PTPRT: variants seen among roughly 807,000 people sequenced by gnomAD.
PTPRT encodes the protein protein tyrosine phosphatase receptor type T.
In PTPRT, 56 loss-of-function variants were observed where a neutral mutation model predicts 176.8. That is an observed-to-expected ratio of 0.32 (90% CI 0.26 to 0.40). PTPRT has a LOEUF of 0.40. PTPRT is among the 10% of genes least tolerant of loss of function. The pLI, the probability that PTPRT is intolerant of heterozygous loss-of-function variation, is 1.00. For missense variants in PTPRT, 1,540 were observed against 1,908.2 expected (o/e 0.81, Z 3.60); for synonymous variants, 783 against 739.0 (o/e 1.06, Z -0.96).
chr20:42,240,351 T>C (rs916070699), intron 14 of PTPRT, among the ~76,000 whole-genome samples: 6 of 152,026 alleles, frequency 3.9e-5, no homozygotes, highest in South Asian at 4.1e-4. Flanking sequence ...TTGAAGAAGA[T>C]TTACTGAAGG....
At chr20:42,891,309 G>C (rs1857585930) in intron 1 of PTPRT, among the ~76,000 whole-genome samples, 1 of 152,170 alleles carries the variant, frequency 6.6e-6, no homozygotes, top group African/African-American at 2.4e-5. Context: ...CACATAATTG[G>C]GGGAGGACAG....
intron 7 of PTPRT, among the ~76,000 whole-genome samples, chr20:42,655,706 T>C (rs1252719351): frequency 1.4e-5 from 2 of 146,882 alleles, no homozygotes; most frequent in African/African-American, 2.5e-5. Context: ...CTAAGGATGG[T>C]GAGGGGTGGA....
intron 7 of PTPRT, among the ~76,000 whole-genome samples, chr20:42,645,379 T>C (rs1471085281): frequency 3.3e-5 from 5 of 152,152 alleles, no homozygotes; most frequent in African/African-American, 9.7e-5. Flanking sequence ...CTAAGGTATA[T>C]GTGTGTCCAG....
rs544442546 is a variant in PTPRT, at chr20:43,049,341, A to G, written c.88+140305T>C. On this transcript the variant is annotated intron_variant, in intron 1 of 30. Coordinates refer to ENST00000373187, the MANE Select transcript of PTPRT (RefSeq NM_007050.6). ...GGCCATGTAAAACATACATACATACATACATACATACATGCATACATACGT... is the reference window on the plus strand; with the variant it reads ...GGCCATGTAAAACATACATACATACGTACATACATACATGCATACATACGT... Among the ~76,000 whole-genome samples the G allele has an allele frequency of 1.0e-3, 158 of 152,334 alleles. 1 individual carries two copies. Among genetic ancestry groups the G allele is most frequent in the African/African-American group, 3.7e-3 (154 of 41,578 alleles).
At chr20:42,381,017 G>A (rs977202394) in intron 9 of PTPRT, among the ~76,000 whole-genome samples, 1 of 152,014 alleles carries the variant, frequency 6.6e-6, no homozygotes, top group Non-Finnish European at 1.5e-5. Flanking sequence ...GTAAGGGAGG[G>A]AGGTGCTACA....
At chr20:42,476,624 T>C (rs1217483805) in intron 7 of PTPRT, among the ~76,000 whole-genome samples, 3 of 152,176 alleles carry the variant, frequency 2.0e-5, no homozygotes, top group African/African-American at 7.2e-5. Flanking sequence ...TTCAAGGAAA[T>C]CTCAGTTTGT....
At chr20:42,347,459 T>A (rs1465032540) in intron 11 of PTPRT, among the ~76,000 whole-genome samples, 1 of 151,978 alleles carries the variant, frequency 6.6e-6, no homozygotes, top group East Asian at 1.9e-4. Context: ...TACCTAGTGG[T>A]TTCATATCAT....
At chr20:42,082,078 C>T in intron 29 of PTPRT, 61 bp from the exon 30 acceptor site, 2 of 1,609,342 alleles carry the variant, frequency 1.2e-6, no homozygotes, top group Non-Finnish European at 1.7e-6. Context: ...CCTGATGATT[C>T]TAAAGCTACA....
chr20:42,366,461 A>C (rs1483645975), intron 9 of PTPRT, among the ~76,000 whole-genome samples: 1 of 152,184 alleles, frequency 6.6e-6, no homozygotes, highest in Non-Finnish European at 1.5e-5. Context: ...CCCACTGGCC[A>C]GTAGGGTCCA....
chr20:42,181,675 CA>C (rs1205275658), intron 16 of PTPRT, among the ~76,000 whole-genome samples: 4 of 152,136 alleles, frequency 2.6e-5, no homozygotes, highest in African/African-American at 9.7e-5. Flanking sequence ...TTAAAATTAG[CA>C]TAATGATTCA....
intron 4 of PTPRT, among the ~76,000 whole-genome samples, chr20:42,775,082 C>T (rs1002505791): frequency 6.6e-6 from 1 of 152,168 alleles, no homozygotes; most frequent in Non-Finnish European, 1.5e-5. Flanking sequence ...GGTCAGCCAT[C>T]GGCTCGTGGT....
At chr20:42,384,706 T>C (rs2058727950) in intron 9 of PTPRT, among the ~76,000 whole-genome samples, 2 of 152,194 alleles carry the variant, frequency 1.3e-5, no homozygotes, top group Non-Finnish European at 2.9e-5. Flanking sequence ...TAGCTCCATT[T>C]TACATCTCCA....
chr20:43,100,825 C>T (rs1234251441), intron 1 of PTPRT, among the ~76,000 whole-genome samples: 1 of 152,162 alleles, frequency 6.6e-6, no homozygotes, highest in Non-Finnish European at 1.5e-5. Context: ...ACCTAGGCTA[C>T]GTTATGAAGA....
chr20:42,715,933 T>A (rs989310029), intron 6 of PTPRT, among the ~76,000 whole-genome samples: 2 of 152,202 alleles, frequency 1.3e-5, no homozygotes, highest in East Asian at 3.8e-4. Context: ...CATGTGCAAA[T>A]CCAGAGATAT....
intron 4 of PTPRT, among the ~76,000 whole-genome samples, chr20:42,777,125 C>T (rs1401699466): frequency 1.3e-5 from 2 of 152,280 alleles, no homozygotes; most frequent in Non-Finnish European, 2.9e-5. Flanking sequence ...GGTCTCCCGA[C>T]ATCTTCTCTA....
chr20:43,128,461 TC>T (rs1311805041), intron 1 of PTPRT, among the ~76,000 whole-genome samples: 1 of 152,216 alleles, frequency 6.6e-6, no homozygotes, highest in Non-Finnish European at 1.5e-5. Context: ...CTCTTGACAG[TC>T]TTGGAGTTAC....
chr20:42,618,987 T>C (rs140222860), intron 7 of PTPRT, among the ~76,000 whole-genome samples: 10 of 151,946 alleles, frequency 6.6e-5, no homozygotes, highest in Admixed American at 5.2e-4. Context: ...GTCATTATGA[T>C]GTTAGCTGGT....
intron 7 of PTPRT, among the ~76,000 whole-genome samples, chr20:42,631,401 C>G (rs1407721391): frequency 6.6e-6 from 1 of 152,156 alleles, no homozygotes; most frequent in African/African-American, 2.4e-5. Flanking sequence ...CATGAAAATA[C>G]TCAATTCAGC....
chr20:42,548,683 A>G (rs564917401), intron 7 of PTPRT, among the ~76,000 whole-genome samples: 3 of 152,322 alleles, frequency 2.0e-5, no homozygotes, highest in Admixed American at 6.5e-5. Flanking sequence ...CAGAACACAG[A>G]TTGGGAAAAG....
Sources: allele counts gnomAD v4.1 joint callset (sites outside exome capture counted in the v4.1 genomes callset), GRCh38; gene constraint gnomAD v4.1.1; transcripts MANE v1.5; gene names NCBI Gene and HGNC (gene_info 2026-07-23, HGNC 2026-07-21).